LIMCH1: variants seen among roughly 807,000 people sequenced by gnomAD.
LIMCH1 encodes the protein LIM and calponin homology domains-containing protein 1.
In LIMCH1, 113 loss-of-function variants were observed where a neutral mutation model predicts 176.5. The ratio of observed to expected loss-of-function variants is 0.64; its 90% confidence interval spans 0.55 to 0.75. The LOEUF (loss-of-function observed/expected upper bound fraction) is 0.75, where lower values mean the gene tolerates loss of function less well. Ranked by LOEUF, LIMCH1 falls within the 30% of genes least tolerant of loss-of-function variation. LIMCH1 has a pLI of 0.00. For missense variants in LIMCH1, 1,674 were observed against 1,814.9 expected (o/e 0.92, Z 1.41); for synonymous variants, 619 against 645.9 (o/e 0.96, Z 0.63).
intron 1 of LIMCH1, among the ~76,000 whole-genome samples, chr4:41,541,698 T>A (rs1016201086): frequency 5.3e-5 from 8 of 152,236 alleles, no homozygotes; most frequent in African/African-American, 1.7e-4. Flanking sequence ...CTGCTTTCTG[T>A]AAGCAGTCAT....
At chr4:41,660,602 A>G (rs1032229659) in intron 18 of LIMCH1, among the ~76,000 whole-genome samples, 5 of 152,360 alleles carry the variant, frequency 3.3e-5, no homozygotes, top group Admixed American at 6.5e-5. Flanking sequence ...GTCAAAGATC[A>G]CTTGAAAGTT....
In LIMCH1 at chr4:41,685,850, G is replaced by A. The variant is rs778001242; in HGVS notation, c.4088+20G>A. The stretch of plus-strand genomic sequence containing the variant: ...GCGGAAGTGAGTAACCAGACACGAT[G>A]GTTGTGGGATTCCCTTTTTTAAAAA... On this transcript the variant is annotated intron_variant, in intron 28 of 31. Transcript: ENST00000503057. 18 of 1,601,682 alleles carry A rather than the reference G, an allele frequency of 1.1e-5. No homozygotes were observed. The highest frequency in any genetic ancestry group is 1.5e-5 in the Non-Finnish European group (18 of 1,175,982).
intron 13 of LIMCH1, among the ~76,000 whole-genome samples, chr4:41,636,864 C>T (rs1343667581): frequency 2.6e-5 from 4 of 152,190 alleles, no homozygotes; most frequent in Non-Finnish European, 5.9e-5. Flanking sequence ...TTACGTAGTA[C>T]AAATCACTCA....
At chr4:41,629,347 T>A (rs1360671841) in intron 8 of LIMCH1, 145 bp from the exon 9 acceptor site, 1 of 978,754 alleles carries the variant, frequency 1.0e-6, no homozygotes. Context: ...TCCCGTTGAT[T>A]CCATTTTTGA....
intron 18 of LIMCH1, 43 bp downstream of exon 18, chr4:41,650,651 A>G (rs200049090): frequency 2.6e-5 from 38 of 1,475,468 alleles, no homozygotes; most frequent in Non-Finnish European, 3.2e-5. Context: ...GGATAATTCC[A>G]TGGTGAAAGA....
intron 1 of LIMCH1, among the ~76,000 whole-genome samples, chr4:41,446,573 C>T (rs981568062): frequency 1.3e-5 from 2 of 152,144 alleles, no homozygotes; most frequent in Admixed American, 1.3e-4. Flanking sequence ...TCTAACCTTT[C>T]TGGAATGGTG....
chr4:41,407,027 G>T (rs1190843203), intron 1 of LIMCH1, among the ~76,000 whole-genome samples: 1 of 152,112 alleles, frequency 6.6e-6, no homozygotes, highest in Non-Finnish European at 1.5e-5. Flanking sequence ...GTCTTCCAAG[G>T]ATCTAATATG....
At chr4:41,496,564 C>A (rs2072185029) in intron 2 of LIMCH1, among the ~76,000 whole-genome samples, 1 of 152,104 alleles carries the variant, frequency 6.6e-6, no homozygotes, top group Non-Finnish European at 1.5e-5. Context: ...CAATGAGAAC[C>A]AAAACCATGA....
At chr4:41,570,980 G>A (rs1318962069) in intron 1 of LIMCH1, among the ~76,000 whole-genome samples, 1 of 152,190 alleles carries the variant, frequency 6.6e-6, no homozygotes, top group Non-Finnish European at 1.5e-5. Context: ...ACTGAAAAGT[G>A]TCCCTTGGAT....
intron 2 of LIMCH1, among the ~76,000 whole-genome samples, chr4:41,524,244 T>C (rs1045181673): frequency 1.3e-5 from 2 of 152,246 alleles, no homozygotes; most frequent in Non-Finnish European, 2.9e-5. Flanking sequence ...TTGGCAAAGC[T>C]CTTCACTTAT....
At chr4:41,627,046 G>A in intron 8 of LIMCH1, 36 bp downstream of exon 8, 1 of 1,496,894 alleles carries the variant, frequency 6.7e-7, no homozygotes, top group South Asian at 1.3e-5. Context: ...GTGTGTGTGT[G>A]TGTGTGTCTA....
chr4:41,370,867 C>T lies in LIMCH1; in HGVS notation c.96+9931C>T, dbSNP rs4861098. On this transcript the variant is annotated intron_variant, in intron 1 of 26. Transcript: ENST00000313860. ...AGTGCCTGATATATAAGATACTTCT[C>T]AAGCAAGCACTGTTTATGGCCGTTT... Among the ~76,000 whole-genome samples the T allele has an allele frequency of 2.9e-3, 443 of 152,260 alleles. 2 individuals are homozygous for T. The highest frequency in any genetic ancestry group is 0.025 in the East Asian group (129 of 5,168).
chr4:41,556,651 C>A (rs1278898981), intron 1 of LIMCH1, among the ~76,000 whole-genome samples: 3 of 152,078 alleles, frequency 2.0e-5, no homozygotes, highest in Non-Finnish European at 4.4e-5. Context: ...TTAAGTCAAG[C>A]CCCATATCTT....
At chr4:41,587,307 G>C (rs2086660045) in intron 1 of LIMCH1, among the ~76,000 whole-genome samples, 1 of 152,026 alleles carries the variant, frequency 6.6e-6, no homozygotes. Context: ...ACTCCTCCCT[G>C]GCCAAGGATT....
intron 1 of LIMCH1, among the ~76,000 whole-genome samples, chr4:41,424,449 C>T (rs1031949762): frequency 2.0e-5 from 3 of 152,146 alleles, no homozygotes; most frequent in African/African-American, 7.2e-5. Flanking sequence ...AACCCGTGGA[C>T]CCTTATCTGA....
intron 1 of LIMCH1, among the ~76,000 whole-genome samples, chr4:41,472,839 AAAAACAAAAC>A (rs1358544201): frequency 1.1e-4 from 16 of 152,200 alleles, no homozygotes; most frequent in Non-Finnish European, 2.1e-4. Flanking sequence ...TTCAAAGTTA[AAAAACAAAAC>A]AAAACTTTTT....
intron 1 of LIMCH1, among the ~76,000 whole-genome samples, chr4:41,554,643 C>T (rs1157669725): frequency 6.6e-6 from 1 of 152,152 alleles, no homozygotes; most frequent in Non-Finnish European, 1.5e-5. Flanking sequence ...GCCCTCTTCT[C>T]ACATTAAGCT....
intron 14 of LIMCH1, among the ~76,000 whole-genome samples, chr4:41,639,843 G>A (rs539382725): frequency 3.9e-5 from 6 of 152,242 alleles, no homozygotes; most frequent in African/African-American, 7.2e-5. Flanking sequence ...TTGTGGCCTC[G>A]TGGGAGCCTG....
At chr4:41,595,865 C>A (rs1013374336) in intron 1 of LIMCH1, among the ~76,000 whole-genome samples, 22 of 151,828 alleles carry the variant, frequency 1.4e-4, no homozygotes, top group African/African-American at 5.3e-4. Context: ...GCCTGGCCAA[C>A]ATAGTGAAAC....
Sources: gnomAD v4.1 joint callset for allele counts (sites outside exome capture counted in the v4.1 genomes callset) on GRCh38, gnomAD v4.1.1 for gene constraint, MANE v1.5 for transcripts, NCBI Gene and HGNC (gene_info 2026-07-23, HGNC 2026-07-21) for gene names.